GOLGA1: variants seen among roughly 807,000 people sequenced by gnomAD.
GOLGA1 encodes golgin subfamily A member 1.
GOLGA1 carries 63 observed loss-of-function variants against 119.7 expected under a neutral mutation model. The observed-to-expected ratio is 0.53, with a 90% CI of 0.43 to 0.65. The LOEUF (loss-of-function observed/expected upper bound fraction) is 0.65, where lower values mean the gene tolerates loss of function less well. Among genes scored for constraint, GOLGA1 ranks in the 30% least tolerant of loss-of-function variants. The pLI is 0.00. For missense variants in GOLGA1, 798 were observed against 912.8 expected (o/e 0.87, Z 1.62); for synonymous variants, 318 against 333.4 (o/e 0.95, Z 0.50).
At chr9:124,930,940 T>C (rs1830759793) in intron 4 of GOLGA1, among the ~76,000 whole-genome samples, 1 of 152,170 alleles carries the variant, frequency 6.6e-6, no homozygotes, top group Non-Finnish European at 1.5e-5. Context: ...ACAGCACCAA[T>C]CTCTGGTGCT....
upstream of GOLGA1, chr9:124,942,998 A>C (rs1831083108): frequency 1.3e-5 from 2 of 152,198 alleles, no homozygotes; most frequent in Non-Finnish European, 2.9e-5. Context: ...CAAGAGTCAA[A>C]AGTGATGAAC....
Position 124,908,388 on chromosome 9 carries a change from G to A in GOLGA1, c.1054C>T (p.Leu352=). The A allele has an allele frequency of 6.3e-7, 1 of 1,587,582 alleles. No individual in the cohort carries two copies. The highest frequency in any genetic ancestry group is 8.7e-7 in the Non-Finnish European group (1 of 1,155,670). Reference sequence around the variant, plus strand: ...AGTAAGGTCAGTACCCGAGTCTCCAGGGTGTTAATGGCCTTAGCCTGGCTG... The same window carrying A: ...AGTAAGGTCAGTACCCGAGTCTCCAAGGTGTTAATGGCCTTAGCCTGGCTG... ...RSSQAKAINT[L]ETRVRELEQT... is the part of the protein sequence containing the mutation. The change falls in exon 12 of 23, where the codon CTG becomes TTG. Residue 352 remains leucine (L), a synonymous_variant. Transcript: ENST00000373555.
chr9:124,919,705 A>T (rs10819010), intron 10 of GOLGA1, among the ~76,000 whole-genome samples: 95,319 of 151,976 alleles, frequency 0.63, 30,566 homozygotes, highest in African/African-American at 0.71. Context: ...GAGATCAGCA[A>T]TTCTGAAAGA....
Position 124,921,801 on chromosome 9 carries a change from T to C in GOLGA1, c.653A>G (p.Asn218Ser). The C allele has an allele frequency of 6.2e-7, 1 of 1,611,434 alleles. No homozygotes were observed. The highest frequency in any genetic ancestry group is 1.1e-5 in the South Asian group (1 of 91,024). The change falls in exon 9 of 23, where the codon AAC becomes AGC. Residue 218 changes from asparagine to serine, a missense_variant. Transcript: ENST00000373555. ...TAAGTCTGATGACATCTGATTGGAG[T>C]TCATCAACTCCTCCTGGGTACGACT... ...ELSRTQEELM[N>S]SNQMSSDLSQ...
rs184027442 is a variant in GOLGA1 at position 124,928,005 on chromosome 9, A to T, written c.399+183T>A. 1.3e-3 allele frequency among the ~76,000 whole-genome samples: 202 copies of T among 152,350 alleles called. 3 individuals are homozygous for T. The highest frequency in any genetic ancestry group is 4.5e-3 in the African/African-American group (186 of 41,584). On this transcript the variant is annotated intron_variant, in intron 6 of 22. Transcript: ENST00000373555. ...TACTCTCACATTCTGGACACATTTC[A>T]TGATTAGAACTGTAAAGTTTCTTCA...
Position 124,880,315 on chromosome 9 carries a change from C to G in GOLGA1, c.*215G>C. ...TGTGGAAATCTGGGTAGTGCCAGGA[C>G]CCTCCTGTTTGGTGACCAGAATGAC... On this transcript the variant is annotated 3_prime_UTR_variant, in exon 23 of 23. Coordinates refer to ENST00000373555, the MANE Select transcript of GOLGA1 (RefSeq NM_002077.4). The G allele has an allele frequency of 2.3e-6, 1 of 437,982 alleles. No homozygotes were observed. The highest frequency in any genetic ancestry group is 2.2e-5 in the South Asian group (1 of 44,926). The allele number at this position is 437,982 out of a possible 1,614,324, so 27.1% of individuals were successfully genotyped here. A position where few individuals can be genotyped will look rare whatever the true frequency, so the allele number is the denominator to read the frequency against.
chr9:124,916,152 TA>T (rs916127257), intron 10 of GOLGA1, among the ~76,000 whole-genome samples: 136 of 140,084 alleles, frequency 9.7e-4, no homozygotes, highest in Middle Eastern at 3.5e-3. Context: ...CTTATTTAAG[TA>T]AAAAAAAAAA....
In GOLGA1 at chr9:124,897,171, C is replaced by T. The variant is rs541798694; in HGVS notation, c.1407+1378G>A. Among the ~76,000 whole-genome samples, 35 of 152,286 alleles carry T rather than the reference C, an allele frequency of 2.3e-4. 2 individuals are homozygous for T. The South Asian group carries it at 7.3e-3, about 32-fold the overall frequency. On this transcript the variant is annotated intron_variant, in intron 15 of 22. Coordinates refer to ENST00000373555, the MANE Select transcript of GOLGA1 (RefSeq NM_002077.4). ...CCTTCTGCCAGCATCAAAGCCTTCC[C>T]TAACTCCATATGGAAAAGAGACCTC... is the stretch of plus-strand genomic sequence containing the variant.
chr9:124,878,818 T>G lies in GOLGA1; in HGVS notation c.*1712A>C, dbSNP rs1829505103. The G allele has an allele frequency of 6.6e-6, 1 of 152,250 alleles. No individual in the cohort carries two copies. The highest frequency in any genetic ancestry group is 2.1e-4 in the South Asian group (1 of 4,838). The allele number at this position is 152,250 out of a possible 1,614,324, so 9.4% of individuals were successfully genotyped here. ...GCTGTGAGCTACCCAGTCTTAGAGA[T>G]TCTTTCCTGGAACAGTTGAAAAAGG... On this transcript the variant is annotated 3_prime_UTR_variant, in exon 23 of 23. Transcript: ENST00000373555.
At chr9:124,920,700 C>T (rs1365785963) in intron 10 of GOLGA1, among the ~76,000 whole-genome samples, 1 of 151,786 alleles carries the variant, frequency 6.6e-6, no homozygotes, top group Non-Finnish European at 1.5e-5. Flanking sequence ...CTTTGGGAGG[C>T]CGAGGTTGGT....
intron 11 of GOLGA1, among the ~76,000 whole-genome samples, chr9:124,910,616 A>G (rs1830321593): frequency 6.6e-6 from 1 of 152,204 alleles, no homozygotes; most frequent in South Asian, 2.1e-4. Context: ...AGATTAAATT[A>G]CTTGCTCTAA....
rs113280893 is a variant in GOLGA1 at position 124,937,569 on chromosome 9, T to A, written c.135+1008A>T. ...CTGCTTGAACCCGGGAGGTGGAGGATGCAATGAGCTGAGATCATGCCACTG... is the reference window on the plus strand; with the variant it reads ...CTGCTTGAACCCGGGAGGTGGAGGAAGCAATGAGCTGAGATCATGCCACTG... On this transcript the variant is annotated intron_variant, in intron 3 of 22. Transcript: ENST00000373555. Among the ~76,000 whole-genome samples, 518 of 150,110 alleles carry A rather than the reference T, an allele frequency of 3.5e-3. 2 individuals carry two copies. Among genetic ancestry groups the A allele is most frequent in the African/African-American group, 0.012 (481 of 40,700 alleles).
intron 15 of GOLGA1, among the ~76,000 whole-genome samples, chr9:124,898,311 G>A (rs942393970): frequency 1.3e-5 from 2 of 152,094 alleles, no homozygotes; most frequent in African/African-American, 4.8e-5. Flanking sequence ...TTGCACAAAC[G>A]GTTTACCCTC....
chr9:124,933,575 C>T (rs1007667662), intron 3 of GOLGA1, among the ~76,000 whole-genome samples: 7 of 152,050 alleles, frequency 4.6e-5, no homozygotes, highest in African/African-American at 7.2e-5. Flanking sequence ...TCACCATGCT[C>T]AGCTAATATT....
chr9:124,935,763 CAAAAA>C (rs33934422), intron 3 of GOLGA1, among the ~76,000 whole-genome samples: 1 of 103,584 alleles, frequency 9.7e-6, no homozygotes. Context: ...ACTCTGTCTC[CAAAAA>C]AAAAAAAAAA....
rs372287325 is a variant in GOLGA1 at position 124,936,808 on chromosome 9, A to G, written c.135+1769T>C. Among the ~76,000 whole-genome samples, 22 of 152,358 alleles carry G rather than the reference A, an allele frequency of 1.4e-4. No homozygotes were observed. In the East Asian group the frequency reaches 1.9e-3, roughly 13 times the overall value. ...CCACAGCTTCCTGTAACATGGATGC[A>G]TTTTATAAGCATGTTGAATTAAATT... On this transcript the variant is annotated intron_variant, in intron 3 of 22. Transcript: ENST00000373555.
At chr9:124,920,716 ACGAGGTCAGGAGTTTG>A (rs1830549242) in intron 10 of GOLGA1, among the ~76,000 whole-genome samples, 1 of 152,056 alleles carries the variant, frequency 6.6e-6, no homozygotes, top group Non-Finnish European at 1.5e-5. Flanking sequence ...TTGGTGGATC[ACGAGGTCAGGAGTTTG>A]AGACCAGCCT....
chr9:124,936,577 A>G (rs1830875113), intron 3 of GOLGA1, among the ~76,000 whole-genome samples: 1 of 151,918 alleles, frequency 6.6e-6, no homozygotes, highest in Non-Finnish European at 1.5e-5. Flanking sequence ...AGAAGCTAGG[A>G]CTACAGGCAT....
intron 1 of GOLGA1, among the ~76,000 whole-genome samples, chr9:124,940,631 G>C (rs1205431875): frequency 6.6e-6 from 1 of 152,196 alleles, no homozygotes; most frequent in Non-Finnish European, 1.5e-5. Context: ...ACGGCAGTTT[G>C]GATCTCACTC....
Sources: gnomAD v4.1 joint callset for allele counts (sites outside exome capture counted in the v4.1 genomes callset) on GRCh38, gnomAD v4.1.1 for gene constraint, MANE v1.5 for transcripts, NCBI Gene and HGNC (gene_info 2026-07-23, HGNC 2026-07-21) for gene names.